Variants in HECW1 observed in about 807,000 individuals in gnomAD.
HECW1 encodes E3 ubiquitin-protein ligase HECW1.
Under a neutral mutation model 182.3 loss-of-function variants are expected in HECW1, and 61 were observed. The observed-to-expected ratio is 0.33, with a 90% CI of 0.27 to 0.41. The LOEUF (loss-of-function observed/expected upper bound fraction) is 0.41. Ranked by LOEUF, HECW1 falls within the 10% of genes least tolerant of loss-of-function variation. The pLI is 1.00. For missense variants in HECW1, 1,739 were observed against 2,108.9 expected, an observed-to-expected ratio of 0.82 and a Z score of 3.44; for synonymous variants, 859 against 832.6, an observed-to-expected ratio of 1.03 and a Z score of -0.55.
intron 5 of HECW1, among the ~76,000 whole-genome samples, chr7:43,349,603 C>T (rs761158063): frequency 3.3e-5 from 5 of 152,206 alleles, no homozygotes; most frequent in Non-Finnish European, 7.4e-5. Flanking sequence ...TTTACCCTTA[C>T]ATACTGTCCC....
intron 2 of HECW1, among the ~76,000 whole-genome samples, chr7:43,116,624 C>T (rs907713612): frequency 1.3e-5 from 2 of 152,218 alleles, no homozygotes; most frequent in Non-Finnish European, 2.9e-5. Context: ...ACCTGCTTCT[C>T]TCCCATTTAC....
At chr7:43,388,478 G>T (rs980673228) in intron 6 of HECW1, among the ~76,000 whole-genome samples, 1 of 152,132 alleles carries the variant, frequency 6.6e-6, no homozygotes, top group South Asian at 2.1e-4. Context: ...TTAATTACAA[G>T]ACTTATGAGT....
chr7:43,461,318 G>A (rs2077575010), intron 13 of HECW1, among the ~76,000 whole-genome samples: 1 of 152,254 alleles, frequency 6.6e-6, no homozygotes, highest in Non-Finnish European at 1.5e-5. Context: ...CCACCTCAGA[G>A]CATGGCTGCT....
At chr7:43,121,715 T>C (rs1785641200) in intron 2 of HECW1, 1 of 152,164 alleles carries the variant, frequency 6.6e-6, no homozygotes, top group Non-Finnish European at 1.5e-5. Context: ...ATCACTCAGT[T>C]TCCTAATAGG....
At chr7:43,502,589 A>G (rs765434628) in intron 21 of HECW1, among the ~76,000 whole-genome samples, 2 of 152,094 alleles carry the variant, frequency 1.3e-5, no homozygotes, top group Admixed American at 1.3e-4. Flanking sequence ...AACCCAGGAG[A>G]CAGAGGTTGC....
chr7:43,499,899 C>T (rs114294668), intron 19 of HECW1, among the ~76,000 whole-genome samples: 2,092 of 152,260 alleles, frequency 0.014, 45 homozygotes, highest in African/African-American at 0.047. Flanking sequence ...TCAGAATACA[C>T]GAGTTGTAGC....
At chr7:43,181,216 A>G (rs762383824) in intron 2 of HECW1, among the ~76,000 whole-genome samples, 1 of 150,980 alleles carries the variant, frequency 6.6e-6, no homozygotes, top group East Asian at 1.9e-4. Context: ...TTCATTGTGT[A>G]TATATACCAT....
At chr7:43,219,329 G>A (rs567243078) in intron 2 of HECW1, among the ~76,000 whole-genome samples, 37 of 152,182 alleles carry the variant, frequency 2.4e-4, no homozygotes, top group African/African-American at 7.5e-4. Context: ...TTCTGGAGCC[G>A]CTTCAAAAAC....
chr7:43,126,889 CTG>C (rs1406477800), intron 2 of HECW1, among the ~76,000 whole-genome samples: 1 of 152,182 alleles, frequency 6.6e-6, no homozygotes, highest in African/African-American at 2.4e-5. Flanking sequence ...CAATCAATAA[CTG>C]TGGTGTGTGT....
At chr7:43,325,963 G>A (rs1381870209) in intron 5 of HECW1, among the ~76,000 whole-genome samples, 1 of 152,154 alleles carries the variant, frequency 6.6e-6, no homozygotes, top group Non-Finnish European at 1.5e-5. Context: ...CGTTGAGGCT[G>A]TTATAACAAA....
intron 9 of HECW1, 163 bp downstream of exon 9, chr7:43,438,308 G>GAA (rs777071603): frequency 2.9e-5 from 17 of 578,584 alleles, no homozygotes; most frequent in Non-Finnish European, 4.7e-5. Flanking sequence ...GCCAACATAA[G>GAA]TGTTTGTTAT....
intron 2 of HECW1, among the ~76,000 whole-genome samples, chr7:43,176,481 G>T (rs1792258956): frequency 6.6e-6 from 1 of 152,216 alleles, no homozygotes. Flanking sequence ...GAAGCCCAAA[G>T]TTGAGGGGCT....
At chr7:43,206,587 A>G (rs759000010) in intron 2 of HECW1, among the ~76,000 whole-genome samples, 13 of 152,182 alleles carry the variant, frequency 8.5e-5, no homozygotes, top group African/African-American at 3.1e-4. Context: ...AAGCTCATTA[A>G]TCTCTGTATT....
chr7:43,198,704 C>T (rs1176068876), intron 2 of HECW1, among the ~76,000 whole-genome samples: 2 of 150,692 alleles, frequency 1.3e-5, no homozygotes, highest in South Asian at 2.1e-4. Flanking sequence ...TACATACACC[C>T]CCCACAATAC....
intron 19 of HECW1, among the ~76,000 whole-genome samples, chr7:43,498,927 A>G (rs770481236): frequency 6.6e-6 from 1 of 152,186 alleles, no homozygotes; most frequent in Non-Finnish European, 1.5e-5. Context: ...TTATATTAAT[A>G]TAATCAAAGA....
intron 17 of HECW1, among the ~76,000 whole-genome samples, chr7:43,488,444 G>GAAAGAAAGAAAGAAAGA (rs1563046019): frequency 2.1e-4 from 28 of 130,336 alleles, no homozygotes; most frequent in Middle Eastern, 3.8e-3. Flanking sequence ...GAGAAAGAAA[G>GAAAGAAAGAAAGAAAGA]AAAGAAAGAA....
chr7:43,393,962 A>G (rs886287955), intron 6 of HECW1, among the ~76,000 whole-genome samples: 11 of 152,216 alleles, frequency 7.2e-5, no homozygotes, highest in African/African-American at 2.4e-4. Flanking sequence ...TATTAAAATT[A>G]TAGTTTCTAT....
At chr7:43,139,628 A>G (rs896792793) in intron 2 of HECW1, among the ~76,000 whole-genome samples, 3 of 152,148 alleles carry the variant, frequency 2.0e-5, no homozygotes, top group Non-Finnish European at 4.4e-5. Flanking sequence ...CCATTTTATT[A>G]TAATACCTTC....
At chr7:43,358,292 C>T (rs752436297) in intron 5 of HECW1, among the ~76,000 whole-genome samples, 11 of 152,196 alleles carry the variant, frequency 7.2e-5, no homozygotes, top group Admixed American at 1.3e-4. Context: ...TTATGGGAAA[C>T]TTGCCTCTCA....
Sources: gnomAD v4.1 joint callset for allele counts (sites outside exome capture counted in the v4.1 genomes callset) on GRCh38, gnomAD v4.1.1 for gene constraint, MANE v1.5 for transcripts, NCBI Gene and HGNC (gene_info 2026-07-23, HGNC 2026-07-21) for gene names.